The following ZRANB3 variants were observed in gnomAD, a reference collection of about 807,000 sequenced individuals.
ZRANB3 encodes the protein DNA annealing helicase and endonuclease ZRANB3.
In ZRANB3, 125 loss-of-function variants were observed where a neutral mutation model predicts 133.8. The observed-to-expected ratio is 0.93, with a 90% CI of 0.81 to 1.08. The LOEUF (loss-of-function observed/expected upper bound fraction) is 1.08. Among genes scored for constraint, ZRANB3 ranks in the 50% least tolerant of loss-of-function variants. The pLI is 0.00. For synonymous variants in ZRANB3, 387 were observed against 432.7 expected, an observed-to-expected ratio of 0.89 and a Z score of 1.31; for missense variants, 1,229 against 1,275.5, an observed-to-expected ratio of 0.96 and a Z score of 0.56.
intron 17 of ZRANB3, among the ~76,000 whole-genome samples, chr2:135,214,754 G>A (rs1694237692): frequency 6.6e-6 from 1 of 152,104 alleles, no homozygotes; most frequent in Admixed American, 6.5e-5. Context: ...TATTTTAAAT[G>A]TATTTTTATA....
chr2:135,379,148 T>C (rs193300668), intron 3 of ZRANB3, among the ~76,000 whole-genome samples: 46 of 152,274 alleles, frequency 3.0e-4, no homozygotes, highest in African/African-American at 1.1e-3. Flanking sequence ...GTAATATCTT[T>C]GTAATAATTC....
chr2:135,322,941 T>C (rs771782663), intron 6 of ZRANB3, among the ~76,000 whole-genome samples: 6 of 151,598 alleles, frequency 4.0e-5, no homozygotes, highest in Non-Finnish European at 8.8e-5. Context: ...TGTTTGAACC[T>C]GGGAGGCACA....
rs1463376390 is a variant in ZRANB3, at chr2:135,199,154, T to A, written c.*1188A>T. On this transcript the variant is annotated 3_prime_UTR_variant, in exon 21 of 21. Transcript: ENST00000264159. The stretch of plus-strand genomic sequence containing the variant: ...TTAAATGCATATAACCATCTGATTA[T>A]GCCTTATTATAAAGTGTTTTGTCAT... 2.6e-5 allele frequency: 4 copies of A among 152,260 alleles called. No homozygotes were observed. The highest frequency in any genetic ancestry group is 4.8e-5 in the African/African-American group (2 of 41,478). 9.4% of individuals were successfully genotyped at this position (152,260 alleles called of 1,614,324 possible). A position where few individuals can be genotyped will look rare whatever the true frequency, so the allele number is the denominator to read the frequency against.
chr2:135,359,392 T>C (rs1476981767), intron 3 of ZRANB3, among the ~76,000 whole-genome samples: 10 of 151,968 alleles, frequency 6.6e-5, no homozygotes, highest in Admixed American at 6.6e-4. Flanking sequence ...AAGACCAGTT[T>C]GGGCAACAGA....
chr2:135,464,646 C>G (rs1051820297), intron 2 of ZRANB3, among the ~76,000 whole-genome samples: 12 of 152,112 alleles, frequency 7.9e-5, no homozygotes, highest in African/African-American at 2.9e-4. Flanking sequence ...GCTGCCACAT[C>G]GGTATCTGTT....
intron 1 of ZRANB3, among the ~76,000 whole-genome samples, chr2:135,529,038 A>G (rs564707141): frequency 4.6e-4 from 70 of 152,334 alleles, no homozygotes; most frequent in African/African-American, 1.6e-3. Flanking sequence ...CTTCCTCACA[A>G]CTTTTGGACA....
chr2:135,313,095 C>T (rs1683080498), intron 8 of ZRANB3, among the ~76,000 whole-genome samples: 1 of 150,334 alleles, frequency 6.7e-6, no homozygotes, highest in South Asian at 2.1e-4. Context: ...GTATAGTATC[C>T]TCCCGCATCA....
intron 2 of ZRANB3, among the ~76,000 whole-genome samples, chr2:135,438,823 C>T (rs1475978781): frequency 2.0e-5 from 3 of 152,074 alleles, no homozygotes; most frequent in African/African-American, 7.2e-5. Context: ...CTCTAATGAA[C>T]ATCTCTGAGG....
intron 12 of ZRANB3, among the ~76,000 whole-genome samples, chr2:135,255,275 GAC>G (rs113493109): frequency 3.0e-4 from 45 of 147,884 alleles, no homozygotes; most frequent in Non-Finnish European, 3.3e-4. Context: ...CACACACACA[GAC>G]ACACACACAC....
intron 2 of ZRANB3, among the ~76,000 whole-genome samples, chr2:135,438,029 G>A (rs1256479756): frequency 6.6e-6 from 1 of 152,138 alleles, no homozygotes; most frequent in Non-Finnish European, 1.5e-5. Context: ...TCTGGGACAT[G>A]TGTGCTCCTG....
intron 2 of ZRANB3, among the ~76,000 whole-genome samples, chr2:135,461,653 T>A (rs1217135262): frequency 6.6e-6 from 1 of 152,188 alleles, no homozygotes; most frequent in Non-Finnish European, 1.5e-5. Flanking sequence ...AGCTCAGTAC[T>A]ATGAATCTAA....
chr2:135,338,438 C>G lies in ZRANB3; in HGVS notation c.677+7112G>C, dbSNP rs563120401. Among the ~76,000 whole-genome samples, 22 of 152,330 alleles carry G rather than the reference C, an allele frequency of 1.4e-4. No individual in the cohort carries two copies. The South Asian group carries it at 4.6e-3, about 32-fold the overall frequency. On this transcript the variant is annotated intron_variant, in intron 6 of 20. Transcript: ENST00000264159. ...AATCACACTATGCTGAACAGTTAAA[C>G]TAACAGCATGCAAAGTGGACACCAC...
Position 135,238,506 on chromosome 2 carries a change from G to C in ZRANB3, c.1540-7579C>G, listed in dbSNP as rs1023764926. Reference sequence around the variant, plus strand: ...CCTCCCGAAAGTAGCTGGGATTACAGGTGTTCACTATCACGCCCAGCTAAT... The same window carrying C: ...CCTCCCGAAAGTAGCTGGGATTACACGTGTTCACTATCACGCCCAGCTAAT... On this transcript the variant is annotated intron_variant, in intron 12 of 20. Transcript: ENST00000264159. 3.3e-5 allele frequency among the ~76,000 whole-genome samples: 5 copies of C among 151,764 alleles called. No homozygotes were observed. In the East Asian group the frequency reaches 9.7e-4, roughly 29 times the overall value.
At chr2:135,368,614 C>T (rs1474581282) in intron 3 of ZRANB3, among the ~76,000 whole-genome samples, 1 of 151,898 alleles carries the variant, frequency 6.6e-6, no homozygotes, top group African/African-American at 2.4e-5. Context: ...TTTAATTGTA[C>T]ATTTGAAAAT....
At chr2:135,512,626 A>C (rs1050990615) in intron 1 of ZRANB3, among the ~76,000 whole-genome samples, 1 of 151,902 alleles carries the variant, frequency 6.6e-6, no homozygotes, top group Non-Finnish European at 1.5e-5. Flanking sequence ...ATAAACACTG[A>C]AAGTAAAAGA....
chr2:135,406,804 T>C (rs1199329397), intron 2 of ZRANB3, among the ~76,000 whole-genome samples: 1 of 152,106 alleles, frequency 6.6e-6, no homozygotes, highest in East Asian at 1.9e-4. Context: ...ATAAATTAGG[T>C]ATTGATGGGA....
chr2:135,203,612 C>CAAAAAAAA (rs1051712787), intron 19 of ZRANB3, among the ~76,000 whole-genome samples: 3 of 62,088 alleles, frequency 4.8e-5, no homozygotes, highest in Non-Finnish European at 3.6e-5. Flanking sequence ...GACTCGGTCT[C>CAAAAAAAA]AAAAAAAAAA....
At chr2:135,371,699 A>G (rs1248458808) in intron 3 of ZRANB3, among the ~76,000 whole-genome samples, 1 of 152,202 alleles carries the variant, frequency 6.6e-6, no homozygotes, top group East Asian at 1.9e-4. Context: ...AAAACCAAGA[A>G]TACTCTATGC....
chr2:135,342,358 T>G (rs1684715345), intron 6 of ZRANB3, among the ~76,000 whole-genome samples: 1 of 150,054 alleles, frequency 6.7e-6, no homozygotes. Context: ...TTTTTAATAG[T>G]AACTTTGTGC....
Sources: allele counts gnomAD v4.1 joint callset (sites outside exome capture counted in the v4.1 genomes callset), GRCh38; gene constraint gnomAD v4.1.1; transcripts MANE v1.5; gene names NCBI Gene and HGNC (gene_info 2026-07-23, HGNC 2026-07-21).